NEK6: variants seen among roughly 807,000 people sequenced by gnomAD.
NEK6 encodes the protein NIMA related kinase 6.
Under a neutral mutation model 43.5 loss-of-function variants are expected in NEK6, and 27 were observed. The observed-to-expected ratio is 0.62, with a 90% CI of 0.46 to 0.86. NEK6 has a LOEUF of 0.86. Ranked by LOEUF, NEK6 falls within the 40% of genes least tolerant of loss-of-function variation. NEK6 has a pLI of 0.00. For missense variants in NEK6, 318 were observed against 414.4 expected (o/e 0.77, Z 2.02); for synonymous variants, 167 against 164.1 (o/e 1.02, Z -0.14).
chr9:124,315,694 C>G (rs1194419076), intron 4 of NEK6, among the ~76,000 whole-genome samples: 2 of 152,128 alleles, frequency 1.3e-5, no homozygotes, highest in Non-Finnish European at 2.9e-5. Context: ...TGGTCTGGTC[C>G]CTGGTCACAC....
chr9:124,336,995 CA>C (rs61536283), intron 7 of NEK6, among the ~76,000 whole-genome samples: 115,232 of 127,632 alleles, frequency 0.9, 52,148 homozygotes, highest in East Asian at 0.98. Context: ...GACTCTGTCT[CA>C]AAAAAAAAAA....
chr9:124,310,833 G>A (rs1833491906), intron 2 of NEK6, among the ~76,000 whole-genome samples: 2 of 152,194 alleles, frequency 1.3e-5, no homozygotes, highest in Admixed American at 1.3e-4. Context: ...GTGATCGCCC[G>A]CCTCGGCCTC....
chr9:124,301,838 CCTCAG>C, intron 1 of NEK6, 93 bp from the exon 2 acceptor site: 1 of 990,438 alleles, frequency 1.0e-6, no homozygotes. Context: ...CGGCTTTGCA[CCTCAG>C]CTCACGCATC....
intron 1 of NEK6, among the ~76,000 whole-genome samples, chr9:124,284,380 G>A (rs898144599): frequency 2.6e-5 from 4 of 152,216 alleles, no homozygotes; most frequent in African/African-American, 9.6e-5. Flanking sequence ...TACTGGATGT[G>A]GACTGATGGA....
chr9:124,316,357 C>T (rs1013425157), intron 4 of NEK6, among the ~76,000 whole-genome samples: 2 of 152,164 alleles, frequency 1.3e-5, no homozygotes, highest in Non-Finnish European at 2.9e-5. Flanking sequence ...AGGGTGCAGC[C>T]CAGTGGAGAA....
At chr9:124,320,043 G>C (rs1833989903) in intron 4 of NEK6, among the ~76,000 whole-genome samples, 1 of 152,252 alleles carries the variant, frequency 6.6e-6, no homozygotes, top group Admixed American at 6.5e-5. Flanking sequence ...CTGGGAACCA[G>C]GATTGAATGT....
chr9:124,312,484 G>C (rs563656278), intron 2 of NEK6, 25 bp from the exon 3 acceptor site: 1 of 1,607,524 alleles, frequency 6.2e-7, no homozygotes, highest in Admixed American at 1.7e-5. Context: ...GGCTGCTCAC[G>C]GAGGCCCTCT....
intron 1 of NEK6, among the ~76,000 whole-genome samples, chr9:124,296,059 G>A (rs1384737324): frequency 6.6e-6 from 1 of 152,258 alleles, no homozygotes; most frequent in Non-Finnish European, 1.5e-5. Flanking sequence ...AGCTGTCCTT[G>A]CCGGGCCTCC....
At chr9:124,258,309 CGTCCCCGGCGGGTGTGCGT>C (rs1404474749) in intron 1 of NEK6, 17 of 985,150 alleles carry the variant, frequency 1.7e-5, no homozygotes, top group Non-Finnish European at 1.8e-5. Context: ...GGGGTGTGCG[CGTCCCCGGCGGGTGTGCGT>C]GTGCACCCCG....
intron 2 of NEK6, among the ~76,000 whole-genome samples, chr9:124,307,153 G>T (rs1833294818): frequency 6.6e-6 from 1 of 151,702 alleles, no homozygotes. Flanking sequence ...ATTCGTCTAT[G>T]GCTGAGGCTG....
intron 9 of NEK6, among the ~76,000 whole-genome samples, 192 bp downstream of exon 9, chr9:124,348,014 C>T (rs528049866): frequency 7.5e-4 from 114 of 152,350 alleles, no homozygotes; most frequent in African/African-American, 2.7e-3. Flanking sequence ...TTTCACCACG[C>T]AGCTCCAGTG....
intron 1 of NEK6, among the ~76,000 whole-genome samples, chr9:124,298,411 G>A (rs938187820): frequency 6.6e-6 from 1 of 152,080 alleles, no homozygotes; most frequent in African/African-American, 2.4e-5. Context: ...TAATGACTGG[G>A]GTTTGGCAGC....
At chr9:124,345,602 T>C (rs1829878753) in intron 8 of NEK6, among the ~76,000 whole-genome samples, 1 of 152,164 alleles carries the variant, frequency 6.6e-6, no homozygotes, top group African/African-American at 2.4e-5. Context: ...TGAGATCAAA[T>C]GGGCATGATC....
intron 9 of NEK6, among the ~76,000 whole-genome samples, chr9:124,349,902 G>A (rs1275008686): frequency 2.0e-5 from 3 of 152,228 alleles, no homozygotes; most frequent in Non-Finnish European, 4.4e-5. Context: ...ATACCCTAAG[G>A]CTCTGTGGCC....
At chr9:124,300,875 C>T (rs1588480328) in intron 1 of NEK6, among the ~76,000 whole-genome samples, 2 of 152,212 alleles carry the variant, frequency 1.3e-5, no homozygotes, top group South Asian at 2.1e-4. Context: ...GGCCAGGCCT[C>T]AAGGGGTTCT....
chr9:124,292,552 C>T (rs964858564), intron 1 of NEK6: 4 of 1,536,788 alleles, frequency 2.6e-6, no homozygotes, highest in African/African-American at 2.7e-5. Context: ...GAGTTTTTTA[C>T]AAACACCGAA....
chr9:124,257,980 G>A lies in NEK6; in HGVS notation c.-135G>A. 1.0e-6 allele frequency: 1 copy of A among 978,934 alleles called. No individual in the cohort carries two copies. The highest frequency in any genetic ancestry group is 1.2e-6 in the Non-Finnish European group (1 of 827,472). The allele number at this position is 978,934 out of a possible 1,614,324, so 60.6% of individuals were successfully genotyped here. On this transcript the variant is annotated 5_prime_UTR_variant, in exon 1 of 10. Coordinates refer to ENST00000320246, the MANE Select transcript of NEK6 (RefSeq NM_014397.6). ...GCGGCGGCGGCGGAACCGAGCTGACGGGCGTGCGGCCGCTGCGCCGCAAAC... is the reference window on the plus strand; with the variant it reads ...GCGGCGGCGGCGGAACCGAGCTGACAGGCGTGCGGCCGCTGCGCCGCAAAC...
intron 4 of NEK6, among the ~76,000 whole-genome samples, chr9:124,314,335 A>T (rs1588500607): frequency 6.6e-6 from 1 of 151,974 alleles, no homozygotes. Context: ...TGGCTAGGGG[A>T]GGAGTTCATT....
chr9:124,346,939 G>A (rs1178181657), intron 8 of NEK6, among the ~76,000 whole-genome samples: 1 of 152,238 alleles, frequency 6.6e-6, no homozygotes, highest in African/African-American at 2.4e-5. Context: ...GCCAGCCCAA[G>A]CCTCGCCACA....
Sources: allele counts gnomAD v4.1 joint callset (sites outside exome capture counted in the v4.1 genomes callset), GRCh38; gene constraint gnomAD v4.1.1; transcripts MANE v1.5; gene names NCBI Gene and HGNC (gene_info 2026-07-23, HGNC 2026-07-21).